SH2D3A: variants seen among roughly 807,000 people sequenced by gnomAD.
The protein encoded by SH2D3A is SH2 domain-containing protein 3A.
A neutral mutation model predicts 50.6 loss-of-function variants in SH2D3A; 46 were observed. The observed-to-expected ratio is 0.91, with a 90% CI of 0.72 to 1.16. The LOEUF (loss-of-function observed/expected upper bound fraction) is 1.16. SH2D3A is among the 50% of genes most tolerant of loss of function. SH2D3A has a pLI of 0.00. For missense variants in SH2D3A, 783 were observed against 786.2 expected (o/e 1.00, Z 0.05); for synonymous variants, 377 against 348.4 (o/e 1.08, Z -0.91).
chr19:6,752,380 G>A lies in SH2D3A; in HGVS notation c.*213C>T. On this transcript the variant is annotated 3_prime_UTR_variant, in exon 10 of 10. Coordinates refer to ENST00000245908, the MANE Select transcript of SH2D3A (RefSeq NM_005490.3). ...CTAGAAATCACGGCTTTTAAGAGGTGGAGTCACATTTGAACTCTGGCCTCT... is the reference window on the plus strand; with the variant it reads ...CTAGAAATCACGGCTTTTAAGAGGTAGAGTCACATTTGAACTCTGGCCTCT... 1 of 411,842 alleles carries A rather than the reference G, an allele frequency of 2.4e-6. No homozygotes were observed. Among genetic ancestry groups the A allele is most frequent in the Non-Finnish European group, 4.2e-6 (1 of 235,704 alleles). 25.5% of individuals were successfully genotyped at this position (411,842 alleles called of 1,614,324 possible).
rs1449362263 is a variant in SH2D3A, at chr19:6,763,689, C to G, written c.60G>C (p.Leu20=). ...CTGCTGTGGGTGGTACCTGGCGGGA[C>G]AGGAGGCCGTGGTACCAAGGTTGGC... ...LAGQPWYHGL[L]SRQKAEALLQ... is the part of the protein sequence containing the mutation. The change falls in exon 2 of 10, where the codon CTG becomes CTC. Residue 20 remains leucine, a synonymous_variant. Coordinates refer to ENST00000245908, the MANE Select transcript of SH2D3A (RefSeq NM_005490.3). 6.2e-7 allele frequency: 1 copy of G among 1,612,456 alleles called. No homozygotes were observed. Among genetic ancestry groups the G allele is most frequent in the Non-Finnish European group, 8.5e-7 (1 of 1,179,604 alleles).
intron 1 of SH2D3A, among the ~76,000 whole-genome samples, chr19:6,767,148 G>A (rs1970343702): frequency 6.6e-6 from 1 of 152,140 alleles, no homozygotes; most frequent in African/African-American, 2.4e-5. Flanking sequence ...CCGTTTAAGA[G>A]GATCACTCAG....
Position 6,755,118 on chromosome 19 carries a change from A to G in SH2D3A, c.694T>C (p.Cys232Arg). The change falls in exon 5 of 10, where the codon TGC (cysteine) becomes CGC (arginine). Residue 232 changes from cysteine to arginine, a missense_variant. Transcript: ENST00000245908. ...CTGGGCACTCGGGGCACCAGCTCGC[A>G]GTACGTCGGGGGACGTTCAGAGGCA... ...PDASERPPTY[C>R]ELVPRVPSVQ... The G allele has an allele frequency of 1.2e-6, 2 of 1,614,044 alleles. No individual in the cohort carries two copies. Among genetic ancestry groups the G allele is most frequent in the Non-Finnish European group, 1.7e-6 (2 of 1,179,984 alleles).
chr19:6,753,028 G>GCCTGGACGGGGGGCTGCC, intron 9 of SH2D3A: 1 of 985,374 alleles, frequency 1.0e-6, no homozygotes, highest in Non-Finnish European at 1.2e-6. Context: ...TAGGGGCTGT[G>GCCTGGACGGGGGGCTGCC]CCTGGACGTG....
chr19:6,760,327 G>A (rs1969937678), intron 3 of SH2D3A, among the ~76,000 whole-genome samples: 1 of 152,040 alleles, frequency 6.6e-6, no homozygotes, highest in African/African-American at 2.4e-5. Flanking sequence ...AGTGGGCTGA[G>A]ATCGTGCCAT....
Position 6,752,529 on chromosome 19 carries a change from T to C in SH2D3A, c.*64A>G. 4 of 1,395,316 alleles carry C rather than the reference T, an allele frequency of 2.9e-6. No homozygotes were observed. The highest frequency in any genetic ancestry group is 3.8e-6 in the Non-Finnish European group (4 of 1,058,342). 86.4% of individuals were successfully genotyped at this position (1,395,316 alleles called of 1,614,324 possible). A position where few individuals can be genotyped will look rare whatever the true frequency, so the allele number is the denominator to read the frequency against. On this transcript the variant is annotated 3_prime_UTR_variant, in exon 10 of 10. Transcript: ENST00000245908. ...GCGCGAGGAGCCTGGGACGACTCCT[T>C]TGGTCTCTTCTGGGGTTCGCAAAAA...
Position 6,753,581 on chromosome 19 carries a change from T to A in SH2D3A, c.1445A>T (p.Glu482Val), listed in dbSNP as rs762752411. Residue 482 changes from glutamate to valine, a missense_variant, in exon 9 of 10, where the codon GAG becomes GTG. Physicochemically the swap from Glu to Val is moderately radical, Grantham distance 121. Coordinates refer to ENST00000245908, the MANE Select transcript of SH2D3A (RefSeq NM_005490.3). ...PHVAPMVRLL[E>V]GEEVAGPLDE... is the part of the protein sequence containing the mutation. Reference sequence around the variant, plus strand: ...CAGCGGCCCCGCGACTTCCTCGCCCTCCAGTAGGCGAACCATGGGTGCCAC... The same window carrying A: ...CAGCGGCCCCGCGACTTCCTCGCCCACCAGTAGGCGAACCATGGGTGCCAC... The A allele has an allele frequency of 1.9e-6, 3 of 1,587,412 alleles. No individual in the cohort carries two copies. Among genetic ancestry groups the A allele is most frequent in the Non-Finnish European group, 2.6e-6 (3 of 1,167,850 alleles).
At chr19:6,762,937 A>G (rs10409233) in intron 2 of SH2D3A, among the ~76,000 whole-genome samples, 39,931 of 151,938 alleles carry the variant, frequency 0.26, 5,904 homozygotes, top group African/African-American at 0.41. Context: ...TCTGGGTCTC[A>G]ATTATGGGAT....
At position 6,763,760 on chromosome 19, in the gene SH2D3A, G is replaced by A. The variant is rs770752914; in HGVS notation, c.-12C>T. 2 of 1,611,906 alleles carry A rather than the reference G, an allele frequency of 1.2e-6. No individual in the cohort carries two copies. Among genetic ancestry groups the A allele is most frequent in the Non-Finnish European group, 1.7e-6 (2 of 1,179,324 alleles). Reference sequence around the variant, plus strand: ...TGTGGCACCTGCATGGAGCTCTTGGGAACAGAGGGTGCCAGGGCTGAGCTC... The same window carrying A: ...TGTGGCACCTGCATGGAGCTCTTGGAAACAGAGGGTGCCAGGGCTGAGCTC... On this transcript the variant is annotated 5_prime_UTR_variant, in exon 2 of 10. Coordinates refer to ENST00000245908, the MANE Select transcript of SH2D3A (RefSeq NM_005490.3).
Position 6,754,395 on chromosome 19 carries a change from C to A in SH2D3A, c.1128G>T (p.Leu376=). 1 of 1,529,994 alleles carries A rather than the reference C, an allele frequency of 6.5e-7. No individual in the cohort carries two copies. The highest frequency in any genetic ancestry group is 1.3e-5 in the South Asian group (1 of 78,924). 94.8% of individuals were successfully genotyped at this position (1,529,994 alleles called of 1,614,324 possible). ...GCGGCCCCGAGCAGCCCAGCACCGC[C>A]AGCGCCCCGGCCAGCGCCAGTGTCT... The part of the protein sequence containing the change: ...RHQTLALAGA[L]AVLGCSGPLE... Residue 376 remains leucine (L), a synonymous_variant, in exon 7 of 10, where the codon CTG becomes CTT. Transcript: ENST00000245908.
At position 6,754,427 on chromosome 19, in the gene SH2D3A, T is replaced by C. The variant is rs769360732; in HGVS notation, c.1098-2A>G. ...CCGGCCAGCGCCAGTGTCTGATGCC[T>C]GCAGAGGTGGAGGGCAAGGGTCTGG... On this transcript the variant is annotated splice_acceptor_variant, in intron 6 of 9. Transcript: ENST00000245908. LOFTEE classifies it high-confidence loss of function. 6 of 1,528,118 alleles carry C rather than the reference T, an allele frequency of 3.9e-6. No homozygotes were observed. The highest frequency in any genetic ancestry group is 2.0e-5 in the Admixed American group (1 of 49,754). 94.7% of individuals were successfully genotyped at this position (1,528,118 alleles called of 1,614,324 possible).
chr19:6,760,819 G>T lies in SH2D3A; in HGVS notation c.238C>A (p.Leu80Met), dbSNP rs1362204901. The change falls in exon 3 of 10, where the codon CTG becomes ATG. Residue 80 changes from leucine (L) to methionine (M), a missense_variant. Physicochemically the swap from Leu to Met is conservative, Grantham distance 15. Transcript: ENST00000245908. ...RPGRPTALFQ[L>M]EDEQFPSIPA... Reference sequence around the variant, plus strand: ...ATGCTGGGGAATTGCTCATCCTCCAGTTGAAAGAGGGCTGTGGGTCGGCCT... The same window carrying T: ...ATGCTGGGGAATTGCTCATCCTCCATTTGAAAGAGGGCTGTGGGTCGGCCT... The T allele has an allele frequency of 6.2e-7, 1 of 1,614,260 alleles. No homozygotes were observed. The highest frequency in any genetic ancestry group is 1.1e-5 in the South Asian group (1 of 91,092).
At chr19:6,754,769 T>C in intron 5 of SH2D3A, 38 bp from the exon 6 acceptor site, 1 of 1,613,744 alleles carries the variant, frequency 6.2e-7, no homozygotes, top group Non-Finnish European at 8.5e-7. Context: ...GAAGCGTGAT[T>C]ATGTAGGCAT....
At chr19:6,762,287 G>A (rs543752214) in intron 2 of SH2D3A, among the ~76,000 whole-genome samples, 3 of 152,054 alleles carry the variant, frequency 2.0e-5, no homozygotes, top group Admixed American at 6.6e-5. Context: ...GGGTTCAAGC[G>A]ATTCTGCTGT....
intron 1 of SH2D3A, among the ~76,000 whole-genome samples, chr19:6,764,794 C>G (rs1324227521): frequency 6.6e-6 from 1 of 151,458 alleles, no homozygotes; most frequent in Non-Finnish European, 1.5e-5. Context: ...CGGCCTTGAC[C>G]TCCTGGGCTC....
At chr19:6,766,684 A>C (rs1040742290) in intron 1 of SH2D3A, among the ~76,000 whole-genome samples, 1 of 152,150 alleles carries the variant, frequency 6.6e-6, no homozygotes, top group African/African-American at 2.4e-5. Flanking sequence ...GCTCGGCACC[A>C]CCCTGCCCTC....
intron 4 of SH2D3A, 130 bp downstream of exon 4, chr19:6,759,464 T>C (rs1053370305): frequency 1.5e-5 from 12 of 792,574 alleles, no homozygotes; most frequent in Non-Finnish European, 2.3e-5. Context: ...TTTTAAGTCA[T>C]CGTGATTGTC....
At chr19:6,759,809 A>G in intron 3 of SH2D3A, 139 bp from the exon 4 acceptor site, 1 of 734,938 alleles carries the variant, frequency 1.4e-6, no homozygotes, top group South Asian at 1.8e-5. Context: ...GGGGACTCTT[A>G]GCAACGTGTG....
At chr19:6,767,096 G>A (rs1191491230) in intron 1 of SH2D3A, among the ~76,000 whole-genome samples, 1 of 152,142 alleles carries the variant, frequency 6.6e-6, no homozygotes, top group East Asian at 1.9e-4. Flanking sequence ...TAATCTCTAT[G>A]ACCCAAGGGT....
Sources: gnomAD v4.1 joint callset for allele counts (sites outside exome capture counted in the v4.1 genomes callset) on GRCh38, gnomAD v4.1.1 for gene constraint, MANE v1.5 for transcripts, NCBI Gene and HGNC (gene_info 2026-07-23, HGNC 2026-07-21) for gene names.